Variants in ZNF865 observed in about 807,000 individuals in gnomAD.
ZNF865 encodes zinc finger protein 865.
For missense variants in ZNF865, 1,311 were observed against 1,593.4 expected, an observed-to-expected ratio of 0.82 and a Z score of 3.02; for synonymous variants, 763 against 750.8, an observed-to-expected ratio of 1.02 and a Z score of -0.27.
In ZNF865 at chr19:55,614,034, A is replaced by C; in HGVS notation, c.416A>C (p.Asp139Ala). ...GGGGCGCCCCCTCCTCCCCTCTTTG[A>C]CGCTGCTTTCCCCACTCCGCAGTGG... ...AFGAPPPPLFDAAFPTPQWGI... is the reference protein window; with the variant it reads ...AFGAPPPPLFAAAFPTPQWGI... Residue 139 changes from aspartate to alanine, a missense_variant, in exon 2 of 2, where the codon GAC becomes GCC. Asp to Ala is a moderately radical substitution (Grantham distance 126). Coordinates refer to ENST00000568956, the MANE Select transcript of ZNF865 (RefSeq NM_001195605.2). The surrounding 1 kb of genome is among the most constrained non-coding windows in gnomAD (Gnocchi z 8.0). The C allele has an allele frequency of 6.7e-7, 1 of 1,486,728 alleles. No homozygotes were observed. Among genetic ancestry groups the C allele is most frequent in the Non-Finnish European group, 8.9e-7 (1 of 1,122,040 alleles). 92.1% of individuals were successfully genotyped at this position (1,486,728 alleles called of 1,614,324 possible).
In ZNF865 at chr19:55,614,321, C is replaced by G. The variant is rs1401164682; in HGVS notation, c.703C>G (p.Gln235Glu). Residue 235 changes from glutamine to glutamate, a missense_variant, in exon 2 of 2, where the codon CAG becomes GAG. Gln to Glu is a conservative substitution (Grantham distance 29, BLOSUM62 2). Transcript: ENST00000568956. This position sits in a 1 kb window ranked among gnomAD's most constrained non-coding sequence, Gnocchi z 8.0. ...CGGCGTGTGCCAGAAGTCCTTCAAG[C>G]AGTCCTCGCACCTGGTCCAGCACAT... Reference protein sequence around the residue: ...PCGVCQKSFKQSSHLVQHMLV... With the variant: ...PCGVCQKSFKESSHLVQHMLV... The G allele has an allele frequency of 2.0e-6, 3 of 1,503,704 alleles. No individual in the cohort carries two copies. Among genetic ancestry groups the G allele is most frequent in the African/African-American group, 2.9e-5 (2 of 69,754 alleles). The allele number at this position is 1,503,704 out of a possible 1,614,324, so 93.1% of individuals were successfully genotyped here.
At chr19:55,607,673 T>C (rs1293391642) in intron 1 of ZNF865, among the ~76,000 whole-genome samples, 1 of 152,196 alleles carries the variant, frequency 6.6e-6, no homozygotes, top group African/African-American at 2.4e-5. Context: ...TTCCTATGTC[T>C]TGTCATCTTG....
At position 55,616,893 on chromosome 19, in the gene ZNF865, C is replaced by G; in HGVS notation, c.*95C>G. The G allele has an allele frequency of 7.6e-7, 1 of 1,318,880 alleles. No homozygotes were observed. Among genetic ancestry groups the G allele is most frequent in the Admixed American group, 3.3e-5 (1 of 30,134 alleles). The allele number at this position is 1,318,880 out of a possible 1,614,324, so 81.7% of individuals were successfully genotyped here. A position where few individuals can be genotyped will look rare whatever the true frequency, so the allele number is the denominator to read the frequency against. On this transcript the variant is annotated 3_prime_UTR_variant, in exon 2 of 2. Coordinates refer to ENST00000568956, the MANE Select transcript of ZNF865 (RefSeq NM_001195605.2). ...CTCTTCCCCCCTCCTCGCTGTTGCCCCATCCTTCAGAACTTCACACGGACT... is the reference window on the plus strand; with the variant it reads ...CTCTTCCCCCCTCCTCGCTGTTGCCGCATCCTTCAGAACTTCACACGGACT...
chr19:55,614,005 C>T lies in ZNF865; in HGVS notation c.387C>T (p.Ala129=). ...AKKPDPPLPP[A]FGAPPPPLFD... ...AGCCCGATCCGCCCCTGCCGCCCGCCTTCGGGGCGCCCCCTCCTCCCCTCT... is the reference window on the plus strand; with the variant it reads ...AGCCCGATCCGCCCCTGCCGCCCGCTTTCGGGGCGCCCCCTCCTCCCCTCT... Residue 129 remains alanine (A), a synonymous_variant, in exon 2 of 2, where the codon GCC becomes GCT. Transcript: ENST00000568956. This position sits in a 1 kb window ranked among gnomAD's most constrained non-coding sequence, Gnocchi z 8.0. 1.3e-6 allele frequency: 2 copies of T among 1,512,434 alleles called. No homozygotes were observed. Among genetic ancestry groups the T allele is most frequent in the Non-Finnish European group, 1.8e-6 (2 of 1,134,260 alleles). 93.7% of individuals were successfully genotyped at this position (1,512,434 alleles called of 1,614,324 possible).
At chr19:55,608,917 T>TAAA in intron 1 of ZNF865, among the ~76,000 whole-genome samples, 1 of 152,062 alleles carries the variant, frequency 6.6e-6, no homozygotes, top group Non-Finnish European at 1.5e-5. Flanking sequence ...CCTCCTTCAT[T>TAAA]TTGGAGGGAG....
At chr19:55,608,481 A>AT (rs1274363147) in intron 1 of ZNF865, among the ~76,000 whole-genome samples, 7 of 151,718 alleles carry the variant, frequency 4.6e-5, no homozygotes, top group Non-Finnish European at 1.0e-4. Flanking sequence ...CGCCCAGCTA[A>AT]TTTTGTATTT....
At chr19:55,607,594 G>T (rs1025162740) in intron 1 of ZNF865, among the ~76,000 whole-genome samples, 5 of 152,196 alleles carry the variant, frequency 3.3e-5, no homozygotes, top group Non-Finnish European at 7.3e-5. Context: ...ATATGTGCGT[G>T]TTCAGAATAT....
chr19:55,615,227 G>A lies in ZNF865; in HGVS notation c.1609G>A (p.Gly537Arg), dbSNP rs1207152450. 1 of 1,494,068 alleles carries A rather than the reference G, an allele frequency of 6.7e-7. No individual in the cohort carries two copies. Among genetic ancestry groups the A allele is most frequent in the South Asian group, 1.3e-5 (1 of 78,952 alleles). 92.6% of individuals were successfully genotyped at this position (1,494,068 alleles called of 1,614,324 possible). A position where few individuals can be genotyped will look rare whatever the true frequency, so the allele number is the denominator to read the frequency against. The change falls in exon 2 of 2, where the codon GGG becomes AGG. Residue 537 changes from glycine to arginine, a missense_variant. Physicochemically the swap from Gly to Arg is moderately radical, Grantham distance 125 (BLOSUM62 -2). Coordinates refer to ENST00000568956, the MANE Select transcript of ZNF865 (RefSeq NM_001195605.2). ...PLLLGGAGTS[G>R]AGGSGASVPG... ...GCTGCTCGGCGGCGCGGGGACCAGC[G>A]GGGCGGGAGGCTCGGGCGCCAGCGT...
chr19:55,615,941 G>T lies in ZNF865; in HGVS notation c.2323G>T (p.Gly775Trp), dbSNP rs1283372369. 6.6e-7 allele frequency: 1 copy of T among 1,505,990 alleles called. No individual in the cohort carries two copies. The highest frequency in any genetic ancestry group is 8.8e-7 in the Non-Finnish European group (1 of 1,133,158). 93.3% of individuals were successfully genotyped at this position (1,505,990 alleles called of 1,614,324 possible). Residue 775 changes from glycine to tryptophan, a missense_variant, in exon 2 of 2, where the codon GGG becomes TGG. Transcript: ENST00000568956. ...GGTGTCTGGGGGTGAGGACGCAGGC[G>T]GGGCGGCGGTGGCAGGTGCTGGCGG... Reference protein sequence around the residue: ...AGVSGGEDAGGAAVAGAGGGA... With the variant: ...AGVSGGEDAGWAAVAGAGGGA...
Position 55,615,106 on chromosome 19 carries a change from C to G in ZNF865, c.1488C>G (p.Pro496=). 6.6e-6 allele frequency: 8 copies of G among 1,204,064 alleles called. No individual in the cohort carries two copies. Among genetic ancestry groups the G allele is most frequent in the Admixed American group, 4.7e-5 (1 of 21,114 alleles). The allele number at this position is 1,204,064 out of a possible 1,614,324, so 74.6% of individuals were successfully genotyped here. ...CCCCGGGCCCGTACCTCCTGCCCCC[C>G]GACCCTCCCACCACAGACAGCGAGA... ...TFPPGPYLLP[P]DPPTTDSEKA... The change falls in exon 2 of 2, where the codon CCC becomes CCG. Residue 496 remains proline (P), a synonymous_variant. Coordinates refer to ENST00000568956, the MANE Select transcript of ZNF865 (RefSeq NM_001195605.2).
At position 55,617,073 on chromosome 19, in the gene ZNF865, G is replaced by A. The variant is rs1330729373; in HGVS notation, c.*275G>A. On this transcript the variant is annotated 3_prime_UTR_variant, in exon 2 of 2. Transcript: ENST00000568956. The stretch of plus-strand genomic sequence containing the variant: ...TCAGCCCCCGCCCCAGCAGCACTCT[G>A]CCCCCAGTAAGTTTTGGCGGAGATG... The A allele has an allele frequency of 5.4e-6, 2 of 368,196 alleles. No individual in the cohort carries two copies. The highest frequency in any genetic ancestry group is 9.7e-6 in the Non-Finnish European group (2 of 206,686). 22.8% of individuals were successfully genotyped at this position (368,196 alleles called of 1,614,324 possible). A position where few individuals can be genotyped will look rare whatever the true frequency, so the allele number is the denominator to read the frequency against.
At chr19:55,612,279 C>G (rs1190663200) in intron 1 of ZNF865, among the ~76,000 whole-genome samples, 3 of 152,172 alleles carry the variant, frequency 2.0e-5, no homozygotes, top group Non-Finnish European at 4.4e-5. Context: ...TCTGTCCAAG[C>G]CCAGGGTCTG....
chr19:55,613,802 C>G lies in ZNF865; in HGVS notation c.184C>G (p.Pro62Ala). 1 of 1,511,468 alleles carries G rather than the reference C, an allele frequency of 6.6e-7. No individual in the cohort carries two copies. The highest frequency in any genetic ancestry group is 8.8e-7 in the Non-Finnish European group (1 of 1,134,476). The allele number at this position is 1,511,468 out of a possible 1,614,324, so 93.6% of individuals were successfully genotyped here. A position where few individuals can be genotyped will look rare whatever the true frequency, so the allele number is the denominator to read the frequency against. ...AKAVAALPCA[P>A]GPPPQPPPQP... ...GGCGGTGGCGGCCCTGCCCTGCGCC[C>G]CCGGCCCCCCGCCGCAGCCCCCGCC... Residue 62 changes from proline to alanine, a missense_variant, in exon 2 of 2, where the codon CCC (proline) becomes GCC (alanine). Physicochemically the swap from Pro to Ala is conservative, Grantham distance 27. Transcript: ENST00000568956.
In ZNF865 at chr19:55,617,205, T is replaced by TG. The variant is rs1981395099; in HGVS notation, c.*413dup. ...CTGGGTGCTTTTTGGGGTGGGGGGG[T>TG]GGGGGGCGGGGTGGCAGACGCGGCT... On this transcript the variant is annotated 3_prime_UTR_variant, in exon 2 of 2. Coordinates refer to ENST00000568956, the MANE Select transcript of ZNF865 (RefSeq NM_001195605.2). 7.3e-5 allele frequency: 1 copy of TG among 13,628 alleles called. No individual in the cohort carries two copies. Among genetic ancestry groups the TG allele is most frequent in the Non-Finnish European group, 1.5e-4 (1 of 6,536 alleles). 0.8% of individuals were successfully genotyped at this position (13,628 alleles called of 1,614,324 possible). A position where few individuals can be genotyped will look rare whatever the true frequency, so the allele number is the denominator to read the frequency against.
In ZNF865 at chr19:55,613,842, C is replaced by G; in HGVS notation, c.224C>G (p.Pro75Arg). The G allele has an allele frequency of 6.7e-7, 1 of 1,499,748 alleles. No homozygotes were observed. Among genetic ancestry groups the G allele is most frequent in the Non-Finnish European group, 8.9e-7 (1 of 1,120,016 alleles). The allele number at this position is 1,499,748 out of a possible 1,614,324, so 92.9% of individuals were successfully genotyped here. A position where few individuals can be genotyped will look rare whatever the true frequency, so the allele number is the denominator to read the frequency against. Residue 75 changes from proline (P) to arginine (R), a missense_variant, in exon 2 of 2, where the codon CCG becomes CGG. Pro to Arg is a moderately radical substitution (Grantham distance 103). Transcript: ENST00000568956. ...PPQPPPQPPP[P>R]QYDYPPQSTF... Reference sequence around the variant, plus strand: ...CAGCCCCCGCCGCAGCCCCCTCCCCCGCAGTATGACTACCCGCCCCAGTCC... The same window carrying G: ...CAGCCCCCGCCGCAGCCCCCTCCCCGGCAGTATGACTACCCGCCCCAGTCC...
Position 55,613,827 on chromosome 19 carries a change from C to T in ZNF865, c.209C>T (p.Pro70Leu), listed in dbSNP as rs1459057482. 7 of 1,501,358 alleles carry T rather than the reference C, an allele frequency of 4.7e-6. No homozygotes were observed. Among genetic ancestry groups the T allele is most frequent in the Middle Eastern group, 2.2e-4 (1 of 4,446 alleles). 93.0% of individuals were successfully genotyped at this position (1,501,358 alleles called of 1,614,324 possible). A position where few individuals can be genotyped will look rare whatever the true frequency, so the allele number is the denominator to read the frequency against. Residue 70 changes from proline (P) to leucine (L), a missense_variant, in exon 2 of 2, where the codon CCG becomes CTG. By Grantham distance (98) the Pro-to-Leu change is moderately conservative. Transcript: ENST00000568956. ...CCCGGCCCCCCGCCGCAGCCCCCGC[C>T]GCAGCCCCCTCCCCCGCAGTATGAC... ...CAPGPPPQPP[P>L]QPPPPQYDYP...
chr19:55,610,611 G>A (rs921160461), intron 1 of ZNF865, among the ~76,000 whole-genome samples: 10 of 152,210 alleles, frequency 6.6e-5, no homozygotes, highest in African/African-American at 1.2e-4. Flanking sequence ...AATTTAGGAA[G>A]GTGGTGTTTC....
Position 55,614,342 on chromosome 19 carries a change from C to A in ZNF865, c.724C>A (p.His242Asn). The change falls in exon 2 of 2, where the codon CAC becomes AAC. Residue 242 changes from histidine to asparagine, a missense_variant. Transcript: ENST00000568956. The surrounding 1 kb of genome is among the most constrained non-coding windows in gnomAD (Gnocchi z 8.0). Reference sequence around the variant, plus strand: ...CAAGCAGTCCTCGCACCTGGTCCAGCACATGCTGGTGCACTCGGGGGAGAG... The same window carrying A: ...CAAGCAGTCCTCGCACCTGGTCCAGAACATGCTGGTGCACTCGGGGGAGAG... ...SFKQSSHLVQ[H>N]MLVHSGERPY... 6.7e-7 allele frequency: 1 copy of A among 1,493,294 alleles called. No individual in the cohort carries two copies. The allele number at this position is 1,493,294 out of a possible 1,614,324, so 92.5% of individuals were successfully genotyped here.
At position 55,616,180 on chromosome 19, in the gene ZNF865, G is replaced by A. The variant is rs1981352383; in HGVS notation, c.2562G>A (p.Gly854=). 1 of 1,518,160 alleles carries A rather than the reference G, an allele frequency of 6.6e-7. No individual in the cohort carries two copies. The highest frequency in any genetic ancestry group is 8.8e-7 in the Non-Finnish European group (1 of 1,137,278). 94.0% of individuals were successfully genotyped at this position (1,518,160 alleles called of 1,614,324 possible). A position where few individuals can be genotyped will look rare whatever the true frequency, so the allele number is the denominator to read the frequency against. ...QKRGFRCPVC[G]KRFWEAALLM... is the part of the protein sequence containing the mutation. The stretch of plus-strand genomic sequence containing the variant: ...GGGGTTTCCGCTGCCCGGTGTGCGG[G>A]AAGCGCTTCTGGGAGGCGGCCCTGC... Residue 854 remains glycine, a synonymous_variant, in exon 2 of 2, where the codon GGG becomes GGA. Coordinates refer to ENST00000568956, the MANE Select transcript of ZNF865 (RefSeq NM_001195605.2).
Sources: allele counts gnomAD v4.1 joint callset (sites outside exome capture counted in the v4.1 genomes callset), GRCh38; gene constraint gnomAD v4.1.1; non-coding constraint Gnocchi (gnomAD v3.1); transcripts MANE v1.5; gene names NCBI Gene and HGNC (gene_info 2026-07-23, HGNC 2026-07-21).